The following KCNC1 variants were observed in gnomAD, a reference collection of about 807,000 sequenced individuals.
The protein encoded by KCNC1 is potassium voltage-gated channel subfamily C member 1.
Under a neutral mutation model 43.4 loss-of-function variants are expected in KCNC1, and 8 were observed. The ratio of observed to expected loss-of-function variants is 0.18; its 90% CI spans 0.11 to 0.33. The LOEUF (loss-of-function observed/expected upper bound fraction) is 0.33, where lower values mean the gene tolerates loss of function less well. KCNC1 is among the 10% of genes least tolerant of loss of function. The pLI is 1.00. For synonymous variants in KCNC1, 361 were observed against 360.5 expected (o/e 1.00, Z -0.01); for missense variants, 420 against 836.0 (o/e 0.50, Z 6.14).
At chr11:17,778,211 G>A (rs1031821109) in intron 2 of KCNC1, among the ~76,000 whole-genome samples, 1 of 152,160 alleles carries the variant, frequency 6.6e-6, no homozygotes, top group African/African-American at 2.4e-5. Context: ...GGCCAGTCAG[G>A]GCTACCTCTG....
At chr11:17,743,932 G>A (rs1324289031) in intron 1 of KCNC1, among the ~76,000 whole-genome samples, 1 of 152,192 alleles carries the variant, frequency 6.6e-6, no homozygotes, top group Non-Finnish European at 1.5e-5. Context: ...GAGTCATCCA[G>A]TTTGTGAGAT....
Position 17,779,597 on chromosome 11 carries a change from T to C in KCNC1, c.1646T>C (p.Leu549Ser). Reference protein sequence around the residue: ...TRERYGPCFLLSTGEYACPPG... With the variant: ...TRERYGPCFLSSTGEYACPPG... ...GAGAGATACGGACCCTGCTTCCTCTTATCAACCGGGGAGTACGCGTGCCCA... is the reference window on the plus strand; with the variant it reads ...GAGAGATACGGACCCTGCTTCCTCTCATCAACCGGGGAGTACGCGTGCCCA... The change falls in exon 3 of 4, where the codon TTA becomes TCA. Residue 549 changes from leucine to serine, a missense_variant. This residue lies in a region of KCNC1 where 147 missense variants were observed against 176.1 expected (regional missense o/e 0.83). Transcript: ENST00000265969. The surrounding 1 kb of genome is among the most constrained non-coding windows in gnomAD (Gnocchi z 7.2). 1 of 1,551,250 alleles carries C rather than the reference T, an allele frequency of 6.4e-7. No individual in the cohort carries two copies. The highest frequency in any genetic ancestry group is 8.7e-7 in the Non-Finnish European group (1 of 1,146,872).
chr11:17,737,241 C>T (rs1160595752), intron 1 of KCNC1, among the ~76,000 whole-genome samples: 3 of 152,002 alleles, frequency 2.0e-5, no homozygotes, highest in African/African-American at 7.2e-5. Context: ...CGTCTGAGCC[C>T]CCGATCCTGA....
Position 17,776,040 on chromosome 11 carries a change from T to C in KCNC1, c.1505-3416T>C. On this transcript the variant is annotated intron_variant, in intron 2 of 3. Transcript: ENST00000265969. The surrounding 1 kb of genome is among the most constrained non-coding windows in gnomAD (Gnocchi z 4.4). ...CGGCGGGTGGGGCTAAGAGAGTTTC[T>C]GCAGGGACCCAGCTGCAGGGTCAGC... The C allele has an allele frequency of 5.1e-6, 5 of 985,386 alleles. No homozygotes were observed. In the South Asian group the frequency reaches 1.9e-4, roughly 37 times the overall value. The allele number at this position is 985,386 out of a possible 1,614,324, so 61.0% of individuals were successfully genotyped here. A position where few individuals can be genotyped will look rare whatever the true frequency, so the allele number is the denominator to read the frequency against.
chr11:17,739,407 T>G lies in KCNC1; in HGVS notation c.570+2835T>G, dbSNP rs1233964152. ...TGTGTGTGTGTGTGTGTGGTGAGAC[T>G]GCGACTCTGTGCGAGCTTCCTGAGT... On this transcript the variant is annotated intron_variant, in intron 1 of 3. Coordinates refer to ENST00000265969, the MANE Select transcript of KCNC1 (RefSeq NM_001112741.2). The surrounding 1 kb of genome is among the most constrained non-coding windows in gnomAD (Gnocchi z 4.2). Among the ~76,000 whole-genome samples, 3 of 141,314 alleles carry G rather than the reference T, an allele frequency of 2.1e-5. No individual in the cohort carries two copies. Among genetic ancestry groups the G allele is most frequent in the Admixed American group, 1.4e-4 (2 of 14,086 alleles). The allele number at this position is 141,314 out of a possible 152,430, so 92.7% of individuals were successfully genotyped here. A position where few individuals can be genotyped will look rare whatever the true frequency, so the allele number is the denominator to read the frequency against.
chr11:17,738,357 G>A (rs1848794936), intron 1 of KCNC1, among the ~76,000 whole-genome samples: 1 of 147,886 alleles, frequency 6.8e-6, no homozygotes, highest in Non-Finnish European at 1.5e-5. Flanking sequence ...ATGGGAGGTT[G>A]AACTAGTGCA....
intron 1 of KCNC1, among the ~76,000 whole-genome samples, chr11:17,741,877 G>A (rs564912841): frequency 6.6e-6 from 1 of 152,200 alleles, no homozygotes; most frequent in South Asian, 2.1e-4. Flanking sequence ...CTTTATCCCC[G>A]ACACCCCACC....
intron 1 of KCNC1, among the ~76,000 whole-genome samples, chr11:17,755,863 C>G (rs1462454968): frequency 6.6e-6 from 1 of 152,042 alleles, no homozygotes; most frequent in Non-Finnish European, 1.5e-5. Context: ...GCCTTTAAGT[C>G]ATAAAACTGG....
intron 1 of KCNC1, among the ~76,000 whole-genome samples, chr11:17,744,196 G>A (rs905383592): frequency 2.0e-5 from 3 of 152,230 alleles, no homozygotes; most frequent in East Asian, 3.9e-4. Flanking sequence ...GCTAACTGAC[G>A]GCTAAGGCTC....
chr11:17,773,927 G>T lies in KCNC1; in HGVS notation c.1504+1329G>T. ...AGGCTGCTGGCTAGCTCAGCCCCAG[G>T]TGGGGAAGTTTCCCCCTGGTTTGGG... On this transcript the variant is annotated intron_variant, in intron 2 of 3. Transcript: ENST00000265969. This position sits in a 1 kb window ranked among gnomAD's most constrained non-coding sequence, Gnocchi z 4.1. 1.0e-6 allele frequency: 1 copy of T among 985,476 alleles called. No homozygotes were observed. Among genetic ancestry groups the T allele is most frequent in the Non-Finnish European group, 1.2e-6 (1 of 829,966 alleles). 61.0% of individuals were successfully genotyped at this position (985,476 alleles called of 1,614,324 possible). A position where few individuals can be genotyped will look rare whatever the true frequency, so the allele number is the denominator to read the frequency against.
rs80305141 is a variant in KCNC1, at chr11:17,743,854, C to T, written c.570+7282C>T. Among the ~76,000 whole-genome samples, 421 of 152,350 alleles carry T rather than the reference C, an allele frequency of 2.8e-3. 4 individuals are homozygous for T. Among genetic ancestry groups the T allele is most frequent in the African/African-American group, 9.9e-3 (413 of 41,576 alleles). ...AATCCATCCCTTAAGGTTCCTCACA[C>T]TTAGCCTGGCTGCTCCTGCCCTCGC... On this transcript the variant is annotated intron_variant, in intron 1 of 3. Transcript: ENST00000265969.
At position 17,739,534 on chromosome 11, in the gene KCNC1, G is replaced by C. The variant is rs1848812921; in HGVS notation, c.570+2962G>C. Among the ~76,000 whole-genome samples the C allele has an allele frequency of 1.3e-5, 2 of 151,960 alleles. No homozygotes were observed. Among genetic ancestry groups the C allele is most frequent in the South Asian group, 4.2e-4 (2 of 4,812 alleles). On this transcript the variant is annotated intron_variant, in intron 1 of 3. Coordinates refer to ENST00000265969, the MANE Select transcript of KCNC1 (RefSeq NM_001112741.2). This position sits in a 1 kb window ranked among gnomAD's most constrained non-coding sequence, Gnocchi z 4.2. ...CTGTGTGGGAGAGAGTGTGTATAAG[G>C]AAGAGAGACTGCATGTGTAAGAGAG... is the stretch of plus-strand genomic sequence containing the variant.
chr11:17,757,369 C>T (rs1026498942), intron 1 of KCNC1, among the ~76,000 whole-genome samples: 3 of 152,124 alleles, frequency 2.0e-5, no homozygotes, highest in Admixed American at 2.0e-4. Flanking sequence ...ATAGGCAGGA[C>T]CATCACAGGG....
intron 1 of KCNC1, among the ~76,000 whole-genome samples, chr11:17,749,773 G>A (rs1201353165): frequency 6.6e-6 from 1 of 152,198 alleles, no homozygotes; most frequent in Non-Finnish European, 1.5e-5. Context: ...AAGCTGCCGT[G>A]GGTGCTTCTG....
chr11:17,740,902 A>C (rs1848832726), intron 1 of KCNC1, among the ~76,000 whole-genome samples: 1 of 152,118 alleles, frequency 6.6e-6, no homozygotes, highest in Admixed American at 6.5e-5. Flanking sequence ...GCCCAGCCAG[A>C]GGCTTCTGTT....
intron 1 of KCNC1, among the ~76,000 whole-genome samples, chr11:17,761,807 C>T (rs922825172): frequency 4.6e-5 from 7 of 152,182 alleles, no homozygotes; most frequent in African/African-American, 1.7e-4. Flanking sequence ...AATTTCTGTT[C>T]CCACCCGTAA....
chr11:17,758,923 AG>A (rs1849048219), intron 1 of KCNC1, among the ~76,000 whole-genome samples: 1 of 152,258 alleles, frequency 6.6e-6, no homozygotes, highest in African/African-American at 2.4e-5. Context: ...CAGCTGCATT[AG>A]CCCTTAACCA....
chr11:17,781,434 T>TCG lies in KCNC1; in HGVS notation c.1694-236_1694-235insCG. 2.0e-6 allele frequency: 1 copy of TCG among 494,078 alleles called. No homozygotes were observed. The highest frequency in any genetic ancestry group is 3.6e-6 in the Non-Finnish European group (1 of 280,856). 30.6% of individuals were successfully genotyped at this position (494,078 alleles called of 1,614,324 possible). ...TTCTGAGCCAGAAGGCATGCAGGTGTGTGAGTCAATGTGCAGAGCAGAAGT... is the reference window on the plus strand; with the variant it reads ...TTCTGAGCCAGAAGGCATGCAGGTGTCGGTGAGTCAATGTGCAGAGCAGAAGT... On this transcript the variant is annotated intron_variant, in intron 3 of 3. Coordinates refer to ENST00000265969, the MANE Select transcript of KCNC1 (RefSeq NM_001112741.2). This position sits in a 1 kb window ranked among gnomAD's most constrained non-coding sequence, Gnocchi z 5.1.
chr11:17,749,111 A>C, intron 1 of KCNC1, among the ~76,000 whole-genome samples: 1 of 152,226 alleles, frequency 6.6e-6, no homozygotes, highest in Non-Finnish European at 1.5e-5. Flanking sequence ...CCAGACTGCC[A>C]GGGCCCAATT....
Sources: gnomAD v4.1 joint callset for allele counts (sites outside exome capture counted in the v4.1 genomes callset) on GRCh38, gnomAD v4.1.1 for gene constraint, gnomAD v4.1.1 regional missense constraint, Gnocchi (gnomAD v3.1) non-coding constraint, MANE v1.5 for transcripts, NCBI Gene and HGNC (gene_info 2026-07-23, HGNC 2026-07-21) for gene names.